CLSTN2: variants seen among roughly 807,000 people sequenced by gnomAD.
CLSTN2 encodes calsyntenin-2.
In CLSTN2, 48 loss-of-function variants were observed where a neutral mutation model predicts 101.2. The ratio of observed to expected loss-of-function variants is 0.47; its 90% CI spans 0.38 to 0.60. CLSTN2 has a LOEUF of 0.60. Ranked by LOEUF, CLSTN2 falls within the 20% of genes least tolerant of loss-of-function variation. The pLI, the probability that CLSTN2 is intolerant of heterozygous loss-of-function variation, is 0.00. For synonymous variants in CLSTN2, 481 were observed against 463.6 expected, an observed-to-expected ratio of 1.04 and a Z score of -0.48; for missense variants, 1,160 against 1,238.2, an observed-to-expected ratio of 0.94 and a Z score of 0.95.
intron 2 of CLSTN2, among the ~76,000 whole-genome samples, chr3:140,361,231 TAG>T (rs2087727198): frequency 6.6e-6 from 1 of 152,296 alleles, no homozygotes; most frequent in East Asian, 1.9e-4. Context: ...ACCATCTTCT[TAG>T]ATTGAACAAA....
chr3:140,052,197 C>T (rs767062713), intron 1 of CLSTN2, among the ~76,000 whole-genome samples: 3 of 152,114 alleles, frequency 2.0e-5, no homozygotes, highest in African/African-American at 4.8e-5. Flanking sequence ...CTCGCTCTGT[C>T]GCCCAGGCTG....
At chr3:140,466,981 C>A (rs528952) in intron 8 of CLSTN2, among the ~76,000 whole-genome samples, 2 of 152,032 alleles carry the variant, frequency 1.3e-5, no homozygotes, top group African/African-American at 4.8e-5. Context: ...TGTCATGTGC[C>A]GTTTGTCCAT....
chr3:140,312,213 C>A (rs561252109), intron 2 of CLSTN2, among the ~76,000 whole-genome samples: 1 of 152,290 alleles, frequency 6.6e-6, no homozygotes, highest in Admixed American at 6.5e-5. Context: ...ATTTTGAGAT[C>A]CTAGGTGAGC....
intron 4 of CLSTN2, among the ~76,000 whole-genome samples, chr3:140,408,856 C>T (rs1488213664): frequency 6.6e-6 from 1 of 152,226 alleles, no homozygotes; most frequent in Admixed American, 6.5e-5. Context: ...GCTGCCCCAA[C>T]TCCCATCACC....
chr3:139,974,575 A>C (rs1212948222), intron 1 of CLSTN2, among the ~76,000 whole-genome samples: 1 of 152,018 alleles, frequency 6.6e-6, no homozygotes, highest in Admixed American at 6.6e-5. Flanking sequence ...CTGAATTTAC[A>C]CTCTTGCTAA....
intron 2 of CLSTN2, among the ~76,000 whole-genome samples, chr3:140,216,101 G>C (rs55958260): frequency 6.6e-6 from 1 of 152,122 alleles, no homozygotes; most frequent in Non-Finnish European, 1.5e-5. Flanking sequence ...TCTCATAGGC[G>C]CATGAACCCT....
intron 1 of CLSTN2, among the ~76,000 whole-genome samples, chr3:140,045,752 T>C (rs1576408319): frequency 1.3e-5 from 2 of 152,248 alleles, no homozygotes; most frequent in Non-Finnish European, 2.9e-5. Flanking sequence ...AACATCTTTA[T>C]TTCTGCCTTC....
chr3:139,998,925 A>G (rs1382117623), intron 1 of CLSTN2, among the ~76,000 whole-genome samples: 1 of 152,136 alleles, frequency 6.6e-6, no homozygotes, highest in African/African-American at 2.4e-5. Context: ...CCAAATTTAA[A>G]ATGAGATTAC....
chr3:140,230,521 G>A (rs773354723), intron 2 of CLSTN2, among the ~76,000 whole-genome samples: 2 of 152,154 alleles, frequency 1.3e-5, no homozygotes, highest in Non-Finnish European at 2.9e-5. Context: ...GGCCATAAGG[G>A]CAGAGCCCTC....
At chr3:140,219,050 G>A (rs1047631966) in intron 2 of CLSTN2, among the ~76,000 whole-genome samples, 2 of 151,988 alleles carry the variant, frequency 1.3e-5, no homozygotes, top group African/African-American at 4.8e-5. Context: ...TGCAACTAGG[G>A]CATCAACTCC....
In CLSTN2 at chr3:140,035,037, T is replaced by C. The variant is rs77601704; in HGVS notation, c.109+99554T>C. 4.2e-3 allele frequency among the ~76,000 whole-genome samples: 635 copies of C among 152,324 alleles called. 6 individuals are homozygous for C. The highest frequency in any genetic ancestry group is 0.014 in the African/African-American group (597 of 41,572). ...ATGCCCCTAGCAGCCTTTATAGAAA[T>C]TCCCGGGAACCTACCTTTACCTAGT... is the stretch of plus-strand genomic sequence containing the variant. On this transcript the variant is annotated intron_variant, in intron 1 of 16. Transcript: ENST00000458420.
At chr3:140,115,610 T>C (rs373956214) in intron 1 of CLSTN2, among the ~76,000 whole-genome samples, 11 of 152,324 alleles carry the variant, frequency 7.2e-5, no homozygotes, top group African/African-American at 2.6e-4. Context: ...TCACCTCTGA[T>C]CTCTGCCCCT....
intron 2 of CLSTN2, among the ~76,000 whole-genome samples, chr3:140,184,501 C>A (rs2010457622): frequency 1.3e-5 from 2 of 152,082 alleles, no homozygotes; most frequent in Admixed American, 1.3e-4. Context: ...AAAACCACCC[C>A]CATGAGCCAG....
intron 1 of CLSTN2, among the ~76,000 whole-genome samples, chr3:140,039,330 A>G (rs542482317): frequency 4.3e-5 from 6 of 138,608 alleles, no homozygotes; most frequent in South Asian, 4.4e-4. Context: ...TTTTAATGGT[A>G]AAAAAAACAG....
rs149932408 is a variant in CLSTN2, at chr3:140,411,105, G to A, written c.637+6339G>A. ...TGACCTATCAATAATTACTTTAAAT[G>A]TAAATGGACTAAATGCATCTATCAA... is the stretch of plus-strand genomic sequence containing the variant. On this transcript the variant is annotated intron_variant, in intron 4 of 16. Coordinates refer to ENST00000458420, the MANE Select transcript of CLSTN2 (RefSeq NM_022131.3). Among the ~76,000 whole-genome samples, 671 of 152,324 alleles carry A rather than the reference G, an allele frequency of 4.4e-3. 8 individuals carry two copies. Among genetic ancestry groups the A allele is most frequent in the African/African-American group, 0.016 (649 of 41,566 alleles).
intron 1 of CLSTN2, among the ~76,000 whole-genome samples, chr3:140,072,442 G>A (rs2008413064): frequency 6.6e-6 from 1 of 152,246 alleles, no homozygotes; most frequent in Non-Finnish European, 1.5e-5. Context: ...ATATGTAAAT[G>A]AATACAAATA....
chr3:140,458,936 A>G (rs1318056307), intron 6 of CLSTN2, among the ~76,000 whole-genome samples: 1 of 152,204 alleles, frequency 6.6e-6, no homozygotes, highest in Non-Finnish European at 1.5e-5. Flanking sequence ...CCACTGCATC[A>G]TTTGGCCTCA....
intron 2 of CLSTN2, among the ~76,000 whole-genome samples, chr3:140,241,615 A>G (rs550208969): frequency 1.3e-5 from 2 of 152,000 alleles, no homozygotes; most frequent in African/African-American, 2.4e-5. Context: ...TTATTCATTC[A>G]TTTAACACAT....
intron 8 of CLSTN2, among the ~76,000 whole-genome samples, chr3:140,483,335 T>C (rs373895903): frequency 6.6e-6 from 1 of 152,114 alleles, no homozygotes; most frequent in Non-Finnish European, 1.5e-5. Flanking sequence ...TGTTCTTTTA[T>C]ATTTGCTGAG....
Sources: gnomAD v4.1 joint callset for allele counts (sites outside exome capture counted in the v4.1 genomes callset) on GRCh38, gnomAD v4.1.1 for gene constraint, MANE v1.5 for transcripts, NCBI Gene and HGNC (gene_info 2026-07-23, HGNC 2026-07-21) for gene names.